Variants in SLC35F5 observed in about 807,000 individuals in gnomAD.
The protein encoded by SLC35F5 is HCV NS5A-transactivated protein 3.
SLC35F5 carries 54 observed loss-of-function variants against 68.6 expected under a neutral mutation model. The ratio of observed to expected loss-of-function variants is 0.79; its 90% CI spans 0.63 to 0.99. SLC35F5 has a LOEUF of 0.99. Among genes scored for constraint, SLC35F5 ranks in the 50% least tolerant of loss-of-function variants. The pLI, the probability that SLC35F5 is intolerant of heterozygous loss-of-function variation, is 0.00. For synonymous variants in SLC35F5, 211 were observed against 205.2 expected (o/e 1.03, Z -0.24); for missense variants, 567 against 626.9 (o/e 0.90, Z 1.02).
At chr2:113,753,636 T>C (rs1169700959) in intron 3 of SLC35F5, among the ~76,000 whole-genome samples, 1 of 152,206 alleles carries the variant, frequency 6.6e-6, no homozygotes, top group Non-Finnish European at 1.5e-5. Flanking sequence ...AAAGTACAAC[T>C]GACAAACACC....
downstream of SLC35F5, among the ~76,000 whole-genome samples, chr2:113,706,589 C>G (rs543466258): frequency 6.6e-6 from 1 of 152,138 alleles, no homozygotes; most frequent in Non-Finnish European, 1.5e-5. Context: ...GGCTTTAGAC[C>G]TTAACATGCA....
chr2:113,756,544 C>T lies in SLC35F5; in HGVS notation c.-135G>A. 6.8e-7 allele frequency: 1 copy of T among 1,475,542 alleles called. No individual in the cohort carries two copies. Among genetic ancestry groups the T allele is most frequent in the South Asian group, 1.3e-5 (1 of 74,520 alleles). 91.4% of individuals were successfully genotyped at this position (1,475,542 alleles called of 1,614,324 possible). A position where few individuals can be genotyped will look rare whatever the true frequency, so the allele number is the denominator to read the frequency against. On this transcript the variant is annotated 5_prime_UTR_variant, in exon 1 of 16. Coordinates refer to ENST00000245680, the MANE Select transcript of SLC35F5 (RefSeq NM_025181.5). ...AGACGCGGTGCCCCTCAGGGAGAGG[C>T]TCCCGACACCACCCAACTCCACTCG...
chr2:113,722,997 G>T, intron 13 of SLC35F5, 107 bp downstream of exon 13: 1 of 635,724 alleles, frequency 1.6e-6, no homozygotes, highest in Non-Finnish European at 2.5e-6. Context: ...AAAGCATCAA[G>T]TATTATTTAT....
At chr2:113,748,746 G>C (rs1003435650) in intron 4 of SLC35F5, among the ~76,000 whole-genome samples, 2 of 152,154 alleles carry the variant, frequency 1.3e-5, no homozygotes, top group African/African-American at 4.8e-5. Context: ...TTAAATTTGT[G>C]TGTGTACATG....
intron 9 of SLC35F5, 78 bp downstream of exon 9, chr2:113,734,508 C>A: frequency 1.2e-6 from 1 of 807,670 alleles, no homozygotes; most frequent in Non-Finnish European, 2.0e-6. Flanking sequence ...ACAATACAAA[C>A]TACCCTGGTG....
intron 13 of SLC35F5, chr2:113,719,814 C>T (rs557016746): frequency 4.0e-5 from 6 of 151,738 alleles, no homozygotes; most frequent in East Asian, 3.9e-4. Flanking sequence ...ATTTGACACT[C>T]AAAACTCGCT....
intron 14 of SLC35F5, 103 bp from the exon 15 acceptor site, chr2:113,717,953 G>C (rs1574208659): frequency 1.4e-6 from 1 of 691,164 alleles, no homozygotes; most frequent in Non-Finnish European, 2.3e-6. Context: ...CAGGATGCAA[G>C]TCAGTGGCAG....
At chr2:113,751,223 A>G (rs1182241331) in intron 3 of SLC35F5, among the ~76,000 whole-genome samples, 1 of 152,176 alleles carries the variant, frequency 6.6e-6, no homozygotes, top group Non-Finnish European at 1.5e-5. Flanking sequence ...GGAGACATAT[A>G]TATGAAGAGA....
At chr2:113,724,096 T>C (rs1204036171) in intron 12 of SLC35F5, among the ~76,000 whole-genome samples, 2 of 152,198 alleles carry the variant, frequency 1.3e-5, no homozygotes. Flanking sequence ...CTAGAAGTAA[T>C]GAACAGAGGC....
At chr2:113,718,917 GAAAGAAAGAAAA>G (rs1473761327) in intron 14 of SLC35F5, among the ~76,000 whole-genome samples, 1 of 75,482 alleles carries the variant, frequency 1.3e-5, no homozygotes, top group East Asian at 2.6e-4. Context: ...AAGAAAGAAA[GAAAGAAAGAAAA>G]AGAAAGGAAG....
intron 7 of SLC35F5, among the ~76,000 whole-genome samples, chr2:113,740,622 T>A (rs1676224709): frequency 2.0e-5 from 3 of 152,140 alleles, no homozygotes; most frequent in African/African-American, 7.2e-5. Flanking sequence ...ATCCACAGGA[T>A]TTTTTTCTTT....
In SLC35F5 at chr2:113,743,756, A is replaced by C; in HGVS notation, c.519T>G (p.Leu173=). 1 of 1,611,866 alleles carries C rather than the reference A, an allele frequency of 6.2e-7. No individual in the cohort carries two copies. The highest frequency in any genetic ancestry group is 8.5e-7 in the Non-Finnish European group (1 of 1,178,854). Reference sequence around the variant, plus strand: ...TTGTGCTCTCAGGTTTTTCACTTGGAAGATCATGGAATTTCACAGGCACAT... The same window carrying C: ...TTGTGCTCTCAGGTTTTTCACTTGGCAGATCATGGAATTTCACAGGCACAT... The part of the protein sequence containing the change: ...PLYVPVKFHD[L]PSEKPESTNI... Residue 173 remains leucine (L), a synonymous_variant, in exon 6 of 16, where the codon CTT becomes CTG. Transcript: ENST00000245680.
In SLC35F5 at chr2:113,725,382, A is replaced by G. The variant is rs1223028105; in HGVS notation, c.1246T>C (p.Leu416=). Residue 416 remains leucine, a synonymous_variant, in exon 12 of 16, where the codon TTG becomes CTG. Coordinates refer to ENST00000245680, the MANE Select transcript of SLC35F5 (RefSeq NM_025181.5). The part of the protein sequence containing the change: ...IGTVLSEFLW[L]WGCFLTSSLI... ...TGGAGAATAAACAGTACATACCACA[A>G]CCACAGGAACTCTGAGAGTACTGTT... The G allele has an allele frequency of 6.3e-7, 1 of 1,599,758 alleles. No homozygotes were observed. Among genetic ancestry groups the G allele is most frequent in the African/African-American group, 1.4e-5 (1 of 73,928 alleles).
At chr2:113,730,038 T>G (rs1421088264) in intron 10 of SLC35F5, among the ~76,000 whole-genome samples, 2 of 152,198 alleles carry the variant, frequency 1.3e-5, no homozygotes, top group Admixed American at 6.5e-5. Context: ...TCGGCTGTAT[T>G]TCTGTCCTGT....
intron 15 of SLC35F5, among the ~76,000 whole-genome samples, chr2:113,716,984 T>C (rs1204346736): frequency 6.6e-6 from 1 of 152,102 alleles, no homozygotes; most frequent in Non-Finnish European, 1.5e-5. Flanking sequence ...GAGGGAAAAC[T>C]CAGTAGCAAT....
intron 12 of SLC35F5, among the ~76,000 whole-genome samples, chr2:113,724,355 T>TA (rs1687577378): frequency 1.3e-5 from 2 of 152,086 alleles, no homozygotes; most frequent in South Asian, 2.1e-4. Flanking sequence ...TAGTTAAGGT[T>TA]AAAAAAATCG....
At chr2:113,723,618 G>T (rs1687541839) in intron 12 of SLC35F5, among the ~76,000 whole-genome samples, 1 of 152,124 alleles carries the variant, frequency 6.6e-6, no homozygotes. Flanking sequence ...GCCAACATGT[G>T]ATTCTGTCAC....
chr2:113,742,064 A>G (rs1416660756), intron 7 of SLC35F5: 1 of 152,224 alleles, frequency 6.6e-6, no homozygotes, highest in Non-Finnish European at 1.5e-5. Flanking sequence ...TTTAAATTCT[A>G]CATGTTAGAG....
At position 113,710,393 on chromosome 2, in the gene SLC35F5, G is replaced by A. The variant is rs976068487; in HGVS notation, c.*4825C>T. Reference sequence around the variant, plus strand: ...ATTTCTTCATAAGAAAAATAAATGTGAAAGCTATTCCAAGTAAGCAAATGG... The same window carrying A: ...ATTTCTTCATAAGAAAAATAAATGTAAAAGCTATTCCAAGTAAGCAAATGG... On this transcript the variant is annotated 3_prime_UTR_variant, in exon 16 of 16. Transcript: ENST00000245680. Among the ~76,000 whole-genome samples the A allele has an allele frequency of 2.0e-5, 3 of 152,176 alleles. No individual in the cohort carries two copies. The highest frequency in any genetic ancestry group is 4.4e-5 in the Non-Finnish European group (3 of 68,028).
Sources: allele counts gnomAD v4.1 joint callset (sites outside exome capture counted in the v4.1 genomes callset), GRCh38; gene constraint gnomAD v4.1.1; transcripts MANE v1.5; gene names NCBI Gene and HGNC (gene_info 2026-07-23, HGNC 2026-07-21).